The following TPD52 variants were observed in gnomAD, a reference collection of about 807,000 sequenced individuals.
The protein encoded by TPD52 is prostate and colon associated protein.
TPD52 carries 17 observed loss-of-function variants against 31.3 expected under a neutral mutation model. The observed-to-expected ratio is 0.54, with a 90% confidence interval of 0.37 to 0.82. The LOEUF (loss-of-function observed/expected upper bound fraction) is 0.82, where lower values mean the gene tolerates loss of function less well. Among genes scored for constraint, TPD52 ranks in the 40% least tolerant of loss-of-function variants. The probability of loss-of-function intolerance (pLI) is 0.00; values close to 1 mark genes in which losing one functional copy is unlikely to be tolerated. For missense variants in TPD52, 212 were observed against 240.1 expected (o/e 0.88, Z 0.77); for synonymous variants, 83 against 89.6 (o/e 0.93, Z 0.42).
chr8:80,105,182 T>C (rs922043672), intron 1 of TPD52, among the ~76,000 whole-genome samples: 5 of 152,142 alleles, frequency 3.3e-5, no homozygotes, highest in South Asian at 2.1e-4. Flanking sequence ...CAGCTCACTG[T>C]AGACTCAACC....
intron 1 of TPD52, among the ~76,000 whole-genome samples, chr8:80,133,439 A>T (rs772394208): frequency 2.0e-5 from 3 of 152,072 alleles, no homozygotes; most frequent in Non-Finnish European, 2.9e-5. Context: ...ATCAAAACTG[A>T]ATTTTCCTTC....
intron 1 of TPD52, among the ~76,000 whole-genome samples, chr8:80,125,702 A>T (rs1259387776): frequency 6.6e-6 from 1 of 152,226 alleles, no homozygotes; most frequent in African/African-American, 2.4e-5. Flanking sequence ...AATAGTGTCA[A>T]CATCACACCC....
At chr8:80,141,792 C>A (rs983276713) in intron 1 of TPD52, among the ~76,000 whole-genome samples, 1 of 152,016 alleles carries the variant, frequency 6.6e-6, no homozygotes, top group African/African-American at 2.4e-5. Flanking sequence ...GGCCTGTTGT[C>A]CCAGCTACTT....
chr8:80,035,616 A>G lies in TPD52; in HGVS notation c.*2500T>C, dbSNP rs1246661501. The G allele has an allele frequency of 6.6e-6, 1 of 152,198 alleles. No homozygotes were observed. The highest frequency in any genetic ancestry group is 1.5e-5 in the Non-Finnish European group (1 of 68,030). The allele number at this position is 152,198 out of a possible 1,614,324, so 9.4% of individuals were successfully genotyped here. On this transcript the variant is annotated 3_prime_UTR_variant, in exon 8 of 8. Coordinates refer to ENST00000518937, the MANE Select transcript of TPD52 (RefSeq NM_001025253.3). ...AAATACTTTTTTTCTATTTCAAACT[A>G]TTCTAAGTTGCTAAGGTGATAATCC...
chr8:80,113,060 G>A (rs1044280658), intron 1 of TPD52, among the ~76,000 whole-genome samples: 16 of 152,226 alleles, frequency 1.1e-4, no homozygotes, highest in African/African-American at 3.6e-4. Flanking sequence ...GTCAGGTGTG[G>A]AAGTCTCCAT....
intron 2 of TPD52, among the ~76,000 whole-genome samples, chr8:80,059,459 TTAGAG>T (rs140126606): frequency 0.56 from 84,314 of 150,970 alleles, 24,193 homozygotes; most frequent in East Asian, 0.7. Flanking sequence ...AGATTAGATA[TTAGAG>T]TAAAGATAAA....
chr8:80,047,702 T>C (rs1811004300), intron 5 of TPD52, among the ~76,000 whole-genome samples: 1 of 152,216 alleles, frequency 6.6e-6, no homozygotes, highest in South Asian at 2.1e-4. Context: ...GATATTCTTT[T>C]TCTGACACGA....
intron 1 of TPD52, chr8:80,119,802 T>C (rs912018658): frequency 2.1e-5 from 8 of 385,744 alleles, no homozygotes; most frequent in African/African-American, 1.5e-4. Flanking sequence ...ATTTAATGTA[T>C]GAAAATACTT....
chr8:80,059,933 TAGTC>T (rs750055077), intron 2 of TPD52, among the ~76,000 whole-genome samples: 1 of 151,138 alleles, frequency 6.6e-6, no homozygotes, highest in Non-Finnish European at 1.5e-5. Context: ...ATACAAAAAT[TAGTC>T]AGGCGTGGTG....
intron 1 of TPD52, among the ~76,000 whole-genome samples, chr8:80,072,782 C>T (rs1174503134): frequency 1.4e-5 from 2 of 142,566 alleles, no homozygotes; most frequent in African/African-American, 6.1e-5. Context: ...TATATATACA[C>T]ATACACACAC....
At chr8:80,100,064 T>C (rs1225465804) in intron 1 of TPD52, among the ~76,000 whole-genome samples, 2 of 152,238 alleles carry the variant, frequency 1.3e-5, no homozygotes, top group Non-Finnish European at 2.9e-5. Context: ...TCTAAACATT[T>C]AACCTGCATG....
chr8:80,126,630 C>T (rs904391336), intron 1 of TPD52, among the ~76,000 whole-genome samples: 1 of 151,846 alleles, frequency 6.6e-6, no homozygotes, highest in African/African-American at 2.4e-5. Context: ...TACAAGCATA[C>T]GCCACCATGC....
At chr8:80,126,366 T>G (rs7011429) in intron 1 of TPD52, among the ~76,000 whole-genome samples, 23,564 of 149,708 alleles carry the variant, frequency 0.16, 2,826 homozygotes, top group African/African-American at 0.35. Context: ...ATTGAGGTTT[T>G]TTTTTTTTTT....
At chr8:80,050,306 C>A (rs907654532) in intron 5 of TPD52, 139 bp downstream of exon 5, 1 of 686,502 alleles carries the variant, frequency 1.5e-6, no homozygotes, top group African/African-American at 1.9e-5. Context: ...TAGGAATGCA[C>A]TAGAGAAAAA....
intron 2 of TPD52, among the ~76,000 whole-genome samples, chr8:80,056,439 G>C (rs1811896653): frequency 6.6e-6 from 1 of 152,018 alleles, no homozygotes; most frequent in Non-Finnish European, 1.5e-5. Context: ...AACAGAATGG[G>C]GAAAATATTG....
At chr8:80,137,207 G>A (rs186962645) in intron 1 of TPD52, among the ~76,000 whole-genome samples, 21 of 152,278 alleles carry the variant, frequency 1.4e-4, no homozygotes, top group East Asian at 9.6e-4. Context: ...CTGCGGGCAC[G>A]GGATGTGGAG....
At chr8:80,063,990 G>C (rs1812837576) in intron 2 of TPD52, among the ~76,000 whole-genome samples, 1 of 137,454 alleles carries the variant, frequency 7.3e-6, no homozygotes, top group South Asian at 2.7e-4. Flanking sequence ...GAGGGAGGGA[G>C]GGGAAGGAAG....
At chr8:80,127,631 T>C (rs986325757) in intron 1 of TPD52, 10 of 152,160 alleles carry the variant, frequency 6.6e-5, no homozygotes, top group Admixed American at 6.5e-4. Flanking sequence ...AATGGAGCAC[T>C]GCCAAGAAGA....
chr8:80,082,721 C>T (rs1481352530), intron 1 of TPD52, among the ~76,000 whole-genome samples: 1 of 152,070 alleles, frequency 6.6e-6, no homozygotes, highest in Non-Finnish European at 1.5e-5. Flanking sequence ...GTGAAGAGCC[C>T]CCTGACAGGC....
Sources: allele counts gnomAD v4.1 joint callset (sites outside exome capture counted in the v4.1 genomes callset), GRCh38; gene constraint gnomAD v4.1.1; transcripts MANE v1.5; gene names NCBI Gene and HGNC (gene_info 2026-07-23, HGNC 2026-07-21).